The following P2RX7 variants were observed in gnomAD, a reference collection of about 807,000 sequenced individuals.
P2RX7 encodes purinergic receptor P2X 7.
P2RX7 carries 62 observed loss-of-function variants against 71.6 expected under a neutral mutation model. The ratio of observed to expected loss-of-function variants is 0.87; its 90% CI spans 0.71 to 1.07. P2RX7 has a LOEUF of 1.07. Ranked by LOEUF, P2RX7 falls within the 50% of genes least tolerant of loss-of-function variation. The pLI, the probability that P2RX7 is intolerant of heterozygous loss-of-function variation, is 0.00. For missense variants in P2RX7, 686 were observed against 748.5 expected, an observed-to-expected ratio of 0.92 and a Z score of 0.97; for synonymous variants, 299 against 283.3, an observed-to-expected ratio of 1.06 and a Z score of -0.56.
intron 5 of P2RX7, among the ~76,000 whole-genome samples, chr12:121,164,772 AC>A (rs1419622074): frequency 3.9e-5 from 6 of 151,956 alleles, no homozygotes; most frequent in Non-Finnish European, 8.8e-5. Flanking sequence ...ACAGAGTGAG[AC>A]TCCATCTCAG....
intron 1 of P2RX7, among the ~76,000 whole-genome samples, chr12:121,139,733 C>CTTTTTTTTTTTT (rs10696338): frequency 4.7e-5 from 6 of 126,766 alleles, no homozygotes; most frequent in African/African-American, 1.2e-4. Context: ...CCCTGACCAT[C>CTTTTTTTTTTTT]TTTTTTTTTT....
chr12:121,137,161 G>A (rs1227182200), intron 1 of P2RX7, among the ~76,000 whole-genome samples: 1 of 152,206 alleles, frequency 6.6e-6, no homozygotes, highest in Admixed American at 6.5e-5. Flanking sequence ...CGGGTTCGCT[G>A]GAGTAGGTGT....
chr12:121,141,583 A>T (rs1874877709), intron 1 of P2RX7, among the ~76,000 whole-genome samples: 1 of 152,202 alleles, frequency 6.6e-6, no homozygotes, highest in Non-Finnish European at 1.5e-5. Context: ...GCTGTCCCCC[A>T]GCCCCCAGCA....
chr12:121,158,739 A>T (rs886649533), intron 3 of P2RX7, among the ~76,000 whole-genome samples: 22 of 152,236 alleles, frequency 1.4e-4, no homozygotes, highest in Admixed American at 5.2e-4. Flanking sequence ...TTTTTAAAAA[A>T]AAAATTAGAA....
intron 1 of P2RX7, among the ~76,000 whole-genome samples, chr12:121,142,420 G>A (rs71454679): frequency 0.049 from 7,417 of 152,146 alleles, 223 homozygotes; most frequent in South Asian, 0.079. Flanking sequence ...ATGACACAAC[G>A]CATTGTTCTC....
At chr12:121,163,629 A>G (rs1880365364) in intron 5 of P2RX7, among the ~76,000 whole-genome samples, 1 of 105,506 alleles carries the variant, frequency 9.5e-6, no homozygotes, top group African/African-American at 3.6e-5. Context: ...AGATAGATAG[A>G]TAGATAGATA....
chr12:121,178,225 A>C (rs1024901255), intron 11 of P2RX7, among the ~76,000 whole-genome samples: 1 of 152,212 alleles, frequency 6.6e-6, no homozygotes, highest in Admixed American at 6.5e-5. Context: ...AGGATTGTTT[A>C]TTAAATTATC....
chr12:121,146,534 C>T (rs964821721), intron 1 of P2RX7, among the ~76,000 whole-genome samples: 11 of 151,992 alleles, frequency 7.2e-5, no homozygotes, highest in Non-Finnish European at 1.5e-5. Context: ...TCCAGTGATC[C>T]CCCTGCCTCA....
rs182839546 is a variant in P2RX7 at position 121,145,949 on chromosome 12, G to A, written c.126-8836G>A. On this transcript the variant is annotated intron_variant, in intron 1 of 12. Transcript: ENST00000328963. The stretch of plus-strand genomic sequence containing the variant: ...GATGGAAATGGGACAGGAGAGAAAC[G>A]GAAGTTGATGGGATAAATGAAAATT... Among the ~76,000 whole-genome samples, 420 of 152,204 alleles carry A rather than the reference G, an allele frequency of 2.8e-3. 2 individuals are homozygous for A. Among genetic ancestry groups the A allele is most frequent in the Admixed American group, 0.012 (177 of 15,278 alleles).
rs967645422 is a variant in P2RX7, at chr12:121,154,080, G to A, written c.126-705G>A. Among the ~76,000 whole-genome samples, 1 of 151,750 alleles carries A rather than the reference G, an allele frequency of 6.6e-6. No homozygotes were observed. The highest frequency in any genetic ancestry group is 6.6e-5 in the Admixed American group (1 of 15,222). ...GGAGGCTGCAGTGAGCTACGATCAC[G>A]CCACTGCCCTCCAGCCTGGGCAACA... On this transcript the variant is annotated intron_variant, in intron 1 of 12. Transcript: ENST00000328963. This position sits in a 1 kb window ranked among gnomAD's most constrained non-coding sequence, Gnocchi z 4.2.
intron 1 of P2RX7, among the ~76,000 whole-genome samples, chr12:121,136,019 A>ATAT (rs1456392857): frequency 4.5e-3 from 80 of 17,828 alleles, no homozygotes; most frequent in Non-Finnish European, 0.026. Flanking sequence ...AAAAAAAAAA[A>ATAT]AAAAATATAT....
At chr12:121,150,557 G>C (rs763421279) in intron 1 of P2RX7, among the ~76,000 whole-genome samples, 2 of 152,256 alleles carry the variant, frequency 1.3e-5, no homozygotes, top group African/African-American at 2.4e-5. Flanking sequence ...CGTATGTGCT[G>C]ATTGGGTCTC....
Position 121,133,087 on chromosome 12 carries a change from C to T in P2RX7, c.117C>T (p.Ser39=). The change falls in exon 1 of 13, where the codon TCC becomes TCT. Residue 39 remains serine, a synonymous_variant. Transcript: ENST00000328963. ...IKWFFHVIIF[S]YVCFALVSDK... ...GGTTCTTCCACGTGATCATCTTTTC[C>T]TACGTTTGGTAAGTGGGATCTGGGG... The T allele has an allele frequency of 6.2e-7, 1 of 1,614,166 alleles. No homozygotes were observed. The highest frequency in any genetic ancestry group is 1.1e-5 in the South Asian group (1 of 91,080).
In P2RX7 at chr12:121,177,323, C is replaced by T. The variant is rs200138583; in HGVS notation, c.1065C>T (p.Ile355=). 73 of 1,614,052 alleles carry T rather than the reference C, an allele frequency of 4.5e-5. 2 individuals carry two copies. The East Asian group carries it at 4.7e-4, about 10-fold the overall frequency. ...CCGCTGTGTTCATCGACTTCCTCAT[C>T]GACACTTACTCCAGTAACTGCTGTC... ...GLAAVFIDFL[I]DTYSSNCCRS... is the part of the protein sequence containing the mutation. Residue 355 remains isoleucine, a synonymous_variant, in exon 11 of 13, where the codon ATC becomes ATT. Transcript: ENST00000328963.
At chr12:121,179,462 T>G (rs1463524943) in intron 11 of P2RX7, among the ~76,000 whole-genome samples, 1 of 149,210 alleles carries the variant, frequency 6.7e-6, no homozygotes, top group Non-Finnish European at 1.5e-5. Flanking sequence ...ATTGCGCCAT[T>G]GCACTCCAGC....
chr12:121,171,359 CTTTTTTTTTTTTT>C (rs34595094), intron 8 of P2RX7, among the ~76,000 whole-genome samples: 1 of 105,026 alleles, frequency 9.5e-6, no homozygotes, highest in African/African-American at 4.1e-5. Context: ...TCTTCAATCT[CTTTTTTTTTTTTT>C]TTTTTTTTTG....
At chr12:121,170,698 C>T (rs1315046087) in intron 8 of P2RX7, among the ~76,000 whole-genome samples, 3 of 152,062 alleles carry the variant, frequency 2.0e-5, no homozygotes, top group African/African-American at 4.8e-5. Context: ...TGCTTGAACC[C>T]GGAAGGTGGA....
intron 5 of P2RX7, among the ~76,000 whole-genome samples, chr12:121,164,696 C>T (rs1296036297): frequency 6.6e-6 from 1 of 152,116 alleles, no homozygotes. Context: ...GCAGGAGAGT[C>T]GCTTGAACCC....
chr12:121,162,430 A>C lies in P2RX7; in HGVS notation c.443A>C (p.Gln148Pro). ...GWMDPQSKGI[Q>P]TGRCVVYEGN... ...GATGCTTTGACCCCTATAGGAATTCAGACCGGAAGGTGTGTAGTGTATGAA... is the reference window on the plus strand; with the variant it reads ...GATGCTTTGACCCCTATAGGAATTCCGACCGGAAGGTGTGTAGTGTATGAA... The change falls in exon 5 of 13, where the codon CAG becomes CCG. Residue 148 changes from glutamine (Q) to proline (P), a missense_variant. Physicochemically the swap from Gln to Pro is moderately conservative, Grantham distance 76. Transcript: ENST00000328963. The C allele has an allele frequency of 1.2e-6, 2 of 1,613,882 alleles. No homozygotes were observed. The highest frequency in any genetic ancestry group is 4.5e-5 in the East Asian group (2 of 44,874).
Sources: gnomAD v4.1 joint callset for allele counts (sites outside exome capture counted in the v4.1 genomes callset) on GRCh38, gnomAD v4.1.1 for gene constraint, Gnocchi (gnomAD v3.1) non-coding constraint, MANE v1.5 for transcripts, NCBI Gene and HGNC (gene_info 2026-07-23, HGNC 2026-07-21) for gene names.